SLC20A2: variants seen among roughly 807,000 people sequenced by gnomAD.
SLC20A2 encodes the protein sodium-dependent phosphate transporter 2.
SLC20A2 carries 30 observed loss-of-function variants against 61.0 expected under a neutral mutation model. That is an observed-to-expected ratio of 0.49 (90% CI 0.37 to 0.67). The LOEUF is 0.67. Ranked by LOEUF, SLC20A2 falls within the 30% of genes least tolerant of loss-of-function variation. The pLI is 0.00. For missense variants in SLC20A2, 626 were observed against 866.4 expected, an observed-to-expected ratio of 0.72 and a Z score of 3.48; for synonymous variants, 351 against 353.3, an observed-to-expected ratio of 0.99 and a Z score of 0.07.
At position 42,496,794 on chromosome 8, in the gene SLC20A2, C is replaced by T. The variant is rs547310671; in HGVS notation, c.-265+4237G>A. Among the ~76,000 whole-genome samples, 44 of 152,336 alleles carry T rather than the reference C, an allele frequency of 2.9e-4. No homozygotes were observed. The South Asian group carries it at 8.7e-3, about 30-fold the overall frequency. On this transcript the variant is annotated intron_variant, in intron 1 of 10. Transcript: ENST00000520262. The stretch of plus-strand genomic sequence containing the variant: ...CTAGGGTGTAGTGGGTAGGGTCCAA[C>T]TTTCCTTGCAGCCCCCTCTCTTCTG...
chr8:42,437,527 C>G lies in SLC20A2; in HGVS notation c.985G>C (p.Gly329Arg). ...HGSVKSPISN[G>R]TFGFDGHTRS... ...GTGTGGCCGTCGAAGCCGAAGGTGCCGTTGGAGATGGGCGATTTCACAGAG... is the reference window on the plus strand; with the variant it reads ...GTGTGGCCGTCGAAGCCGAAGGTGCGGTTGGAGATGGGCGATTTCACAGAG... Residue 329 changes from glycine (G) to arginine (R), a missense_variant, in exon 8 of 11, where the codon GGC (glycine) becomes CGC (arginine). By Grantham distance (125) the Gly-to-Arg change is moderately radical (BLOSUM62 -2). Transcript: ENST00000520262. The surrounding 1 kb of genome is among the most constrained non-coding windows in gnomAD (Gnocchi z 6.4). 6.2e-7 allele frequency: 1 copy of G among 1,613,856 alleles called. No homozygotes were observed. The highest frequency in any genetic ancestry group is 8.5e-7 in the Non-Finnish European group (1 of 1,179,972).
rs1489954564 is a variant in SLC20A2, at chr8:42,437,856, C to T, written c.935-279G>A. 6.6e-6 allele frequency among the ~76,000 whole-genome samples: 1 copy of T among 151,410 alleles called. No homozygotes were observed. The highest frequency in any genetic ancestry group is 6.6e-5 in the Admixed American group (1 of 15,194). On this transcript the variant is annotated intron_variant, in intron 7 of 10. Coordinates refer to ENST00000520262, the MANE Select transcript of SLC20A2 (RefSeq NM_001257180.2). This position sits in a 1 kb window ranked among gnomAD's most constrained non-coding sequence, Gnocchi z 6.4. ...GTCTCAAGCTCCTAACCTCATGATC[C>T]GCCCACCTTGGCCTCCTAAAGTGCT...
intron 5 of SLC20A2, among the ~76,000 whole-genome samples, chr8:42,456,621 A>G (rs2131136903): frequency 6.6e-6 from 1 of 151,630 alleles, no homozygotes; most frequent in African/African-American, 2.4e-5. Flanking sequence ...AATCCCAGCT[A>G]CTTGGGAAGC....
chr8:42,468,105 C>T (rs1475935865), intron 2 of SLC20A2, among the ~76,000 whole-genome samples: 1 of 151,984 alleles, frequency 6.6e-6, no homozygotes, highest in South Asian at 2.1e-4. Context: ...GGTTTCACCG[C>T]GTCAGCCAAG....
chr8:42,439,330 TA>T, intron 7 of SLC20A2, 119 bp downstream of exon 7: 1 of 923,674 alleles, frequency 1.1e-6, no homozygotes. Context: ...TCTCAAATTA[TA>T]AAACTGGGGG....
intron 10 of SLC20A2, among the ~76,000 whole-genome samples, chr8:42,420,137 GA>G (rs1802946368): frequency 6.6e-6 from 1 of 151,174 alleles, no homozygotes; most frequent in Non-Finnish European, 1.5e-5. Context: ...AGTGAGCCGA[GA>G]TGGCACCACT....
chr8:42,517,044 T>G (rs75789673), intron 1 of SLC20A2, among the ~76,000 whole-genome samples: 2,066 of 152,320 alleles, frequency 0.014, 45 homozygotes, highest in African/African-American at 0.047. Context: ...CCTTAGTATC[T>G]CATGTTGCTG....
intron 10 of SLC20A2, among the ~76,000 whole-genome samples, chr8:42,424,186 T>C (rs1437317896): frequency 6.6e-6 from 1 of 152,226 alleles, no homozygotes; most frequent in African/African-American, 2.4e-5. Flanking sequence ...CTGTGTGTTA[T>C]CTGCTAGGGC....
intron 10 of SLC20A2, chr8:42,419,542 C>A (rs1384407935): frequency 5.4e-6 from 1 of 185,174 alleles, no homozygotes; most frequent in African/African-American, 2.4e-5. Context: ...GAATGAGACT[C>A]AGTCTCAAAA....
chr8:42,454,680 G>A (rs1041786220), intron 5 of SLC20A2, among the ~76,000 whole-genome samples: 2 of 151,222 alleles, frequency 1.3e-5, no homozygotes, highest in African/African-American at 4.9e-5. Flanking sequence ...GCAGGGCCAC[G>A]ATCATAGTTC....
At chr8:42,502,489 G>GCA (rs1163311916), upstream of SLC20A2, 1 of 152,282 alleles carries the variant, frequency 6.6e-6, no homozygotes, top group Admixed American at 6.5e-5. Context: ...CCCTCAGGAG[G>GCA]CACTGTCCAT....
intron 1 of SLC20A2, among the ~76,000 whole-genome samples, chr8:42,522,481 G>C (rs1299789927): frequency 2.5e-5 from 3 of 120,468 alleles, no homozygotes; most frequent in Non-Finnish European, 6.0e-5. Context: ...AGGAGTTCAA[G>C]ACCAGCCTGG....
chr8:42,427,875 G>C (rs1803534056), intron 10 of SLC20A2, among the ~76,000 whole-genome samples: 1 of 152,216 alleles, frequency 6.6e-6, no homozygotes, highest in African/African-American at 2.4e-5. Flanking sequence ...GGTGCTGAGA[G>C]CTCTGCTCCC....
At chr8:42,447,656 G>A (rs368134383) in intron 5 of SLC20A2, among the ~76,000 whole-genome samples, 4 of 152,240 alleles carry the variant, frequency 2.6e-5, no homozygotes, top group South Asian at 2.1e-4. Flanking sequence ...CAGCCTGGGC[G>A]ACAGAGCGAG....
chr8:42,497,714 G>GT (rs35618027), intron 1 of SLC20A2, among the ~76,000 whole-genome samples: 3,150 of 135,494 alleles, frequency 0.023, 79 homozygotes, highest in African/African-American at 0.059. Flanking sequence ...CCCTCAATTG[G>GT]TTTTTTTTTT....
chr8:42,489,508 G>A (rs1809347144), intron 1 of SLC20A2, among the ~76,000 whole-genome samples: 1 of 149,138 alleles, frequency 6.7e-6, no homozygotes, highest in Admixed American at 6.8e-5. Context: ...TTGAAAACTG[G>A]ATCTTTTAAA....
chr8:42,427,916 A>G (rs531050333), intron 10 of SLC20A2, among the ~76,000 whole-genome samples: 3 of 152,350 alleles, frequency 2.0e-5, no homozygotes, highest in South Asian at 4.1e-4. Flanking sequence ...TTTTTCTTGA[A>G]TAATACAAAT....
chr8:42,435,262 T>C (rs544380088), intron 8 of SLC20A2, among the ~76,000 whole-genome samples: 1 of 152,036 alleles, frequency 6.6e-6, no homozygotes, highest in Non-Finnish European at 1.5e-5. Context: ...AACAGCAGAG[T>C]TGCAGCTGCA....
intron 1 of SLC20A2, among the ~76,000 whole-genome samples, chr8:42,498,184 A>C (rs1415591132): frequency 1.3e-5 from 2 of 152,166 alleles, no homozygotes; most frequent in Non-Finnish European, 1.5e-5. Flanking sequence ...TAATAATAAT[A>C]GTTTTAGGTG....
Sources: allele counts gnomAD v4.1 joint callset (sites outside exome capture counted in the v4.1 genomes callset), GRCh38; gene constraint gnomAD v4.1.1; non-coding constraint Gnocchi (gnomAD v3.1); transcripts MANE v1.5; gene names NCBI Gene and HGNC (gene_info 2026-07-23, HGNC 2026-07-21).